The following ARHGAP15 variants were observed in gnomAD, a reference collection of about 807,000 sequenced individuals.
ARHGAP15 encodes the protein rho GTPase-activating protein 15.
In ARHGAP15, 51 loss-of-function variants were observed where a neutral mutation model predicts 63.7. That is an observed-to-expected ratio of 0.80 (90% CI 0.64 to 1.01). The LOEUF is 1.01. ARHGAP15 is among the 50% of genes least tolerant of loss of function. The pLI, the probability that ARHGAP15 is intolerant of heterozygous loss-of-function variation, is 0.00. For synonymous variants in ARHGAP15, 191 were observed against 193.8 expected, an observed-to-expected ratio of 0.99 and a Z score of 0.12; for missense variants, 560 against 564.6, an observed-to-expected ratio of 0.99 and a Z score of 0.08.
intron 13 of ARHGAP15, among the ~76,000 whole-genome samples, chr2:143,741,744 C>G (rs1015637146): frequency 2.0e-5 from 3 of 152,150 alleles, no homozygotes; most frequent in Admixed American, 1.3e-4. Context: ...GAGACTTGAG[C>G]AAGATGGACC....
intron 5 of ARHGAP15, chr2:143,235,825 C>T: frequency 8.3e-7 from 1 of 1,211,392 alleles, no homozygotes; most frequent in Non-Finnish European, 1.1e-6. Flanking sequence ...GGCCTTGACT[C>T]ACACTCCTTG....
intron 6 of ARHGAP15, among the ~76,000 whole-genome samples, chr2:143,393,726 T>TTA (rs1491199612): frequency 3.3e-5 from 2 of 61,444 alleles, no homozygotes; most frequent in African/African-American, 6.4e-5. Flanking sequence ...AGACTCTGTC[T>TTA]AAAAAAAAAA....
chr2:143,181,470 G>A (rs756987291), intron 2 of ARHGAP15, among the ~76,000 whole-genome samples: 15 of 152,166 alleles, frequency 9.9e-5, no homozygotes, highest in Non-Finnish European at 2.1e-4. Context: ...GTGTTGTTTA[G>A]TGTAGCTAGC....
At chr2:143,490,183 T>G (rs1024358690) in intron 9 of ARHGAP15, among the ~76,000 whole-genome samples, 3 of 151,930 alleles carry the variant, frequency 2.0e-5, no homozygotes, top group South Asian at 2.1e-4. Flanking sequence ...GTATTTTTAG[T>G]AGAGATGGGG....
At chr2:143,520,701 G>A (rs1694023161) in intron 10 of ARHGAP15, among the ~76,000 whole-genome samples, 1 of 152,086 alleles carries the variant, frequency 6.6e-6, no homozygotes, top group African/African-American at 2.4e-5. Context: ...AGACAAAATG[G>A]ATCACTGAGA....
chr2:143,448,406 A>G (rs972141000), intron 8 of ARHGAP15, among the ~76,000 whole-genome samples: 3 of 152,090 alleles, frequency 2.0e-5, no homozygotes, highest in African/African-American at 7.2e-5. Flanking sequence ...AATGGCAGAG[A>G]TAGGTAGCAC....
chr2:143,518,691 G>C (rs1275484058), intron 9 of ARHGAP15, among the ~76,000 whole-genome samples: 1 of 152,176 alleles, frequency 6.6e-6, no homozygotes, highest in Non-Finnish European at 1.5e-5. Flanking sequence ...GAAGGAGTTA[G>C]TGAAGAAAGT....
chr2:143,414,686 C>A (rs1488720644), intron 6 of ARHGAP15, among the ~76,000 whole-genome samples: 2 of 152,170 alleles, frequency 1.3e-5, no homozygotes, highest in African/African-American at 4.8e-5. Flanking sequence ...CTAATCCCAA[C>A]ACTTTGGATG....
intron 10 of ARHGAP15, 25 bp downstream of exon 10, chr2:143,519,389 T>TC: frequency 1.3e-6 from 2 of 1,569,252 alleles, no homozygotes; most frequent in East Asian, 2.2e-5. Flanking sequence ...GTGCAGCAGT[T>TC]CCCCCCATTA....
chr2:143,471,281 G>A (rs888878449), intron 8 of ARHGAP15, among the ~76,000 whole-genome samples: 3 of 147,358 alleles, frequency 2.0e-5, no homozygotes, highest in African/African-American at 7.9e-5. Flanking sequence ...TAGAGAGCAT[G>A]CATTTATTTT....
intron 1 of ARHGAP15, among the ~76,000 whole-genome samples, chr2:143,134,632 CTTTTT>C (rs139259059): frequency 9.7e-4 from 116 of 119,422 alleles, no homozygotes; most frequent in Middle Eastern, 4.6e-3. Flanking sequence ...TATTCCTTTT[CTTTTT>C]TTTTTTTTTT....
chr2:143,435,567 T>C, intron 6 of ARHGAP15, 34 bp from the exon 7 acceptor site: 1 of 1,514,280 alleles, frequency 6.6e-7, no homozygotes, highest in Non-Finnish European at 8.7e-7. Context: ...TTTCTTTACC[T>C]GTCTATTTCT....
intron 2 of ARHGAP15, among the ~76,000 whole-genome samples, chr2:143,194,770 A>T (rs937266130): frequency 6.6e-6 from 1 of 152,238 alleles, no homozygotes; most frequent in Non-Finnish European, 1.5e-5. Context: ...AGGGAATGGT[A>T]TTCAGCAATA....
At chr2:143,412,372 G>GATGA (rs1553476346) in intron 6 of ARHGAP15, among the ~76,000 whole-genome samples, 12 of 151,766 alleles carry the variant, frequency 7.9e-5, no homozygotes, top group Non-Finnish European at 1.3e-4. Context: ...TAAATGTATT[G>GATGA]ATATATATAA....
At chr2:143,527,632 GAAGAT>G (rs1020968703) in intron 10 of ARHGAP15, among the ~76,000 whole-genome samples, 28 of 152,066 alleles carry the variant, frequency 1.8e-4, no homozygotes, top group African/African-American at 6.7e-4. Flanking sequence ...TCTTTTTTAA[GAAGAT>G]AATAATGTCC....
chr2:143,236,076 C>A, intron 5 of ARHGAP15: 1 of 1,374,744 alleles, frequency 7.3e-7, no homozygotes, highest in Non-Finnish European at 9.7e-7. Context: ...TTAGAACATC[C>A]ATTCATTTAT....
At chr2:143,483,928 T>TA (rs1252917166) in intron 8 of ARHGAP15, among the ~76,000 whole-genome samples, 2 of 152,160 alleles carry the variant, frequency 1.3e-5, no homozygotes, top group African/African-American at 4.8e-5. Context: ...TGCTGCATTA[T>TA]AATTACACAG....
chr2:143,547,502 A>G (rs1321549653), intron 10 of ARHGAP15, among the ~76,000 whole-genome samples: 3 of 152,104 alleles, frequency 2.0e-5, no homozygotes, highest in African/African-American at 7.2e-5. Context: ...AGGAAATAAT[A>G]TTTTTGAAAG....
intron 6 of ARHGAP15, among the ~76,000 whole-genome samples, chr2:143,303,145 AG>A (rs1682990803): frequency 6.6e-6 from 1 of 152,124 alleles, no homozygotes; most frequent in Non-Finnish European, 1.5e-5. Context: ...TGGCAACAAA[AG>A]CCAAAATTGA....
Sources: allele counts gnomAD v4.1 joint callset (sites outside exome capture counted in the v4.1 genomes callset), GRCh38; gene constraint gnomAD v4.1.1; transcripts MANE v1.5; gene names NCBI Gene and HGNC (gene_info 2026-07-23, HGNC 2026-07-21).